AKAP11: variants seen among roughly 807,000 people sequenced by gnomAD.
AKAP11 encodes the protein A-kinase anchoring protein 11, also known as A-kinase anchor protein 11.
In AKAP11, 36 loss-of-function variants were observed where a neutral mutation model predicts 146.1. That is an observed-to-expected ratio of 0.25 (90% CI 0.19 to 0.33). The LOEUF is 0.33. Ranked by LOEUF, AKAP11 falls within the 10% of genes least tolerant of loss-of-function variation. The pLI is 1.00. For synonymous variants in AKAP11, 780 were observed against 786.5 expected, an observed-to-expected ratio of 0.99 and a Z score of 0.14; for missense variants, 2,201 against 2,197.0, an observed-to-expected ratio of 1.00 and a Z score of -0.04.
At chr13:42,286,473 C>A in intron 3 of AKAP11, 74 bp downstream of exon 3, 1 of 1,100,378 alleles carries the variant, frequency 9.1e-7, no homozygotes. Flanking sequence ...AGTCCTACAG[C>A]TATGATGTTT....
intron 9 of AKAP11, among the ~76,000 whole-genome samples, chr13:42,312,176 G>C (rs1189624146): frequency 6.6e-6 from 1 of 152,122 alleles, no homozygotes; most frequent in African/African-American, 2.4e-5. Flanking sequence ...GCTTACTAAT[G>C]TTTAATAATT....
Position 42,300,789 on chromosome 13 carries a change from T to A in AKAP11, c.2043T>A (p.Phe681Leu), listed in dbSNP as rs771643355. 2.5e-6 allele frequency: 4 copies of A among 1,614,152 alleles called. No individual in the cohort carries two copies. The East Asian group carries it at 8.9e-5, about 36-fold the overall frequency. Reference sequence around the variant, plus strand: ...CTCCACAGTGTGGGTCGTTTGACTTTGAAGACAAAGTAGTGAAGTTGTATG... The same window carrying A: ...CTCCACAGTGTGGGTCGTTTGACTTAGAAGACAAAGTAGTGAAGTTGTATG... The part of the protein sequence containing the change: ...PASPQCGSFD[F>L]EDKVVKLYAK... Residue 681 changes from phenylalanine to leucine, a missense_variant, in exon 8 of 13, where the codon TTT (phenylalanine) becomes TTA (leucine). Physicochemically the swap from Phe to Leu is conservative, Grantham distance 22. This residue lies in a region of AKAP11 where 1,867 missense variants were observed against 1,833.5 expected (regional missense o/e 1.02). Coordinates refer to ENST00000025301, the MANE Select transcript of AKAP11 (RefSeq NM_016248.4).
intron 1 of AKAP11, among the ~76,000 whole-genome samples, chr13:42,278,839 G>A (rs144190240): frequency 2.6e-5 from 4 of 151,676 alleles, no homozygotes; most frequent in South Asian, 2.1e-4. Context: ...TGGTCAACTG[G>A]TGGTGAATTT....
chr13:42,309,253 A>G (rs189168807), intron 9 of AKAP11, among the ~76,000 whole-genome samples: 45 of 152,312 alleles, frequency 3.0e-4, no homozygotes, highest in African/African-American at 8.7e-4. Context: ...TATAGTCTTA[A>G]CCTCTACCTA....
chr13:42,279,082 G>A (rs1051708424), intron 1 of AKAP11, among the ~76,000 whole-genome samples: 3 of 151,664 alleles, frequency 2.0e-5, no homozygotes, highest in African/African-American at 7.3e-5. Context: ...CTTTATCACT[G>A]GTTTTCAGCC....
chr13:42,271,517 G>A (rs188631350), upstream of AKAP11, among the ~76,000 whole-genome samples: 155 of 152,322 alleles, frequency 1.0e-3, 1 homozygote, highest in African/African-American at 3.6e-3. Context: ...GCCTTCCTTG[G>A]GCCTTCGGAT....
intron 9 of AKAP11, among the ~76,000 whole-genome samples, chr13:42,311,568 G>T (rs1960565946): frequency 6.6e-6 from 1 of 151,950 alleles, no homozygotes; most frequent in South Asian, 2.1e-4. Flanking sequence ...GAGGGAATTT[G>T]AATTTTTAGT....
intron 9 of AKAP11, among the ~76,000 whole-genome samples, chr13:42,310,091 A>G (rs1265054441): frequency 6.6e-6 from 1 of 152,216 alleles, no homozygotes; most frequent in Admixed American, 6.5e-5. Context: ...AAAAGACCAA[A>G]TCAAGCTGAG....
chr13:42,311,537 G>C (rs748722514), intron 9 of AKAP11, among the ~76,000 whole-genome samples: 1 of 152,076 alleles, frequency 6.6e-6, no homozygotes, highest in Non-Finnish European at 1.5e-5. Context: ...GAGGCACAAA[G>C]AGGGAGGGGT....
Position 42,303,418 on chromosome 13 carries a change from T to A in AKAP11, c.4672T>A (p.Ser1558Thr), listed in dbSNP as rs778726143. The change falls in exon 8 of 13, where the codon TCT becomes ACT. Residue 1558 changes from serine to threonine, a missense_variant. By Grantham distance (58) the Ser-to-Thr change is moderately conservative (BLOSUM62 1). This residue lies in a region of AKAP11 where 1,867 missense variants were observed against 1,833.5 expected (regional missense o/e 1.02). Transcript: ENST00000025301. ...TGACACTCTAGAGCTAACTCTAGGA[T>A]CTACAGTGTTCCGAGTGTCTGAGAC... ...VDDTLELTLG[S>T]TVFRVSETTK... is the part of the protein sequence containing the mutation. The A allele has an allele frequency of 1.9e-6, 3 of 1,614,108 alleles. No individual in the cohort carries two copies. The highest frequency in any genetic ancestry group is 2.5e-6 in the Non-Finnish European group (3 of 1,180,028).
Position 42,292,391 on chromosome 13 carries a change from A to G in AKAP11, c.58A>G (p.Ser20Gly). The change falls in exon 4 of 13, where the codon AGT (serine) becomes GGT (glycine). Residue 20 changes from serine (S) to glycine (G), a missense_variant. By Grantham distance (56) the Ser-to-Gly change is moderately conservative. This residue lies in a region of AKAP11 where 331 missense variants were observed against 347.4 expected (regional missense o/e 0.95). Transcript: ENST00000025301. ...KTKASVRKSF[S>G]EDVFQSVKSL... ...TGCTTTCTTTCCCCTGCAGAGCTTC[A>G]GTGAAGATGTGTTCCAGTCTGTAAA... 1.3e-6 allele frequency: 2 copies of G among 1,551,002 alleles called. No individual in the cohort carries two copies. Among genetic ancestry groups the G allele is most frequent in the Non-Finnish European group, 1.8e-6 (2 of 1,136,168 alleles).
intron 1 of AKAP11, among the ~76,000 whole-genome samples, chr13:42,273,168 C>T (rs1193553826): frequency 6.6e-6 from 1 of 152,182 alleles, no homozygotes; most frequent in Non-Finnish European, 1.5e-5. Flanking sequence ...TGCTTAGCTG[C>T]TTCCCACTGT....
intron 11 of AKAP11, among the ~76,000 whole-genome samples, chr13:42,316,339 C>G (rs866174089): frequency 1.4e-4 from 21 of 152,046 alleles, no homozygotes; most frequent in Admixed American, 5.2e-4. Context: ...TGGTGCTCAC[C>G]TCTTGTGGTG....
upstream of AKAP11, among the ~76,000 whole-genome samples, chr13:42,271,816 C>T (rs1958772389): frequency 1.3e-5 from 2 of 151,996 alleles, no homozygotes; most frequent in South Asian, 2.1e-4. Context: ...TGGGTCCCGG[C>T]CAATGGAGAG....
At chr13:42,287,132 T>C (rs1566260344) in intron 3 of AKAP11, among the ~76,000 whole-genome samples, 2 of 152,200 alleles carry the variant, frequency 1.3e-5, no homozygotes, top group African/African-American at 4.8e-5. Context: ...AAATTCTAAT[T>C]ATCAGTGTTC....
rs746419203 is a variant in AKAP11, at chr13:42,301,683, G to A, written c.2937G>A (p.Gln979=). The change falls in exon 8 of 13, where the codon CAG becomes CAA. Residue 979 remains glutamine (Q), a synonymous_variant. Transcript: ENST00000025301. The part of the protein sequence containing the change: ...ESLPVSGEES[Q]LTPEKSPKFP... ...TGCCTGTTTCTGGAGAAGAATCACA[G>A]TTGACACCAGAAAAGTCTCCCAAAT... 1.2e-6 allele frequency: 2 copies of A among 1,614,150 alleles called. No individual in the cohort carries two copies. The highest frequency in any genetic ancestry group is 3.3e-5 in the Admixed American group (2 of 60,028).
At chr13:42,297,890 T>TTACTC (rs1429402616) in intron 6 of AKAP11, among the ~76,000 whole-genome samples, 1 of 151,698 alleles carries the variant, frequency 6.6e-6, no homozygotes, top group East Asian at 1.9e-4. Flanking sequence ...TTATTCGTAT[T>TTACTC]TGCTTTATTT....
In AKAP11 at chr13:42,297,161, A is replaced by C; in HGVS notation, c.330A>C (p.Ile110=). The stretch of plus-strand genomic sequence containing the variant: ...AGAATATAAATAAACCATTAGATAT[A>C]AGCAGTGATCCTCTAAATCAGGTAA... ...CMKNINKPLD[I]SSDPLNQSHP... The change falls in exon 6 of 13, where the codon ATA becomes ATC. Residue 110 remains isoleucine (I), a synonymous_variant. Transcript: ENST00000025301. The C allele has an allele frequency of 6.6e-7, 1 of 1,515,940 alleles. No homozygotes were observed. Among genetic ancestry groups the C allele is most frequent in the Non-Finnish European group, 8.9e-7 (1 of 1,127,586 alleles). 93.9% of individuals were successfully genotyped at this position (1,515,940 alleles called of 1,614,324 possible). A position where few individuals can be genotyped will look rare whatever the true frequency, so the allele number is the denominator to read the frequency against.
chr13:42,303,582 C>T lies in AKAP11; in HGVS notation c.4836C>T (p.Leu1612=), dbSNP rs749390563. 1.0e-4 allele frequency: 166 copies of T among 1,614,080 alleles called. No individual in the cohort carries two copies. The highest frequency in any genetic ancestry group is 1.3e-4 in the Non-Finnish European group (157 of 1,180,040). The change falls in exon 8 of 13, where the codon CTC becomes CTT. Residue 1612 remains leucine (L), a synonymous_variant. Transcript: ENST00000025301. ...AGCACTTTTTCAGACAGGGTTCTCT[C>T]GCCAGTAGTAAGCCAGCTTCTAATC... ...SSQHFFRQGS[L]ASSKPASNPK...
Sources: gnomAD v4.1 joint callset for allele counts (sites outside exome capture counted in the v4.1 genomes callset) on GRCh38, gnomAD v4.1.1 for gene constraint, gnomAD v4.1.1 regional missense constraint, MANE v1.5 for transcripts, NCBI Gene and HGNC (gene_info 2026-07-23, HGNC 2026-07-21) for gene names.